The following GALNTL6 variants were observed in gnomAD, a reference collection of about 807,000 sequenced individuals.
The protein encoded by GALNTL6 is polypeptide N-acetylgalactosaminyltransferase like 6.
GALNTL6 carries 46 observed loss-of-function variants against 73.7 expected under a neutral mutation model. The ratio of observed to expected loss-of-function variants is 0.62; its 90% CI spans 0.49 to 0.80. GALNTL6 has a LOEUF of 0.80. GALNTL6 is among the 30% of genes least tolerant of loss of function. The pLI, the probability that GALNTL6 is intolerant of heterozygous loss-of-function variation, is 0.00. For synonymous variants in GALNTL6, 259 were observed against 263.7 expected (o/e 0.98, Z 0.17); for missense variants, 604 against 755.0 (o/e 0.80, Z 2.34).
chr4:172,147,665 A>C (rs1733962490), intron 2 of GALNTL6, among the ~76,000 whole-genome samples: 1 of 152,216 alleles, frequency 6.6e-6, no homozygotes, highest in Non-Finnish European at 1.5e-5. Flanking sequence ...GAAAAGAAAC[A>C]TTCCCAGCTT....
chr4:172,743,197 A>T (rs1736900100), intron 5 of GALNTL6, among the ~76,000 whole-genome samples: 1 of 152,028 alleles, frequency 6.6e-6, no homozygotes, highest in Non-Finnish European at 1.5e-5. Flanking sequence ...CATGTGTCAG[A>T]CCTTTAAATA....
chr4:172,454,631 A>T (rs1732325508), intron 5 of GALNTL6, among the ~76,000 whole-genome samples: 1 of 152,212 alleles, frequency 6.6e-6, no homozygotes, highest in Non-Finnish European at 1.5e-5. Flanking sequence ...TCCAACATAG[A>T]ATAAACTTGT....
At chr4:172,409,733 A>AT (rs1302457693) in intron 5 of GALNTL6, among the ~76,000 whole-genome samples, 3 of 152,040 alleles carry the variant, frequency 2.0e-5, no homozygotes, top group African/African-American at 7.2e-5. Context: ...TAAAACAATA[A>AT]TTAACAATTT....
At chr4:172,268,726 G>T (rs370538489) in intron 3 of GALNTL6, among the ~76,000 whole-genome samples, 1 of 152,130 alleles carries the variant, frequency 6.6e-6, no homozygotes, top group Non-Finnish European at 1.5e-5. Flanking sequence ...AATCGTAAGG[G>T]TGGGGCCTCA....
rs531033311 is a variant in GALNTL6 at position 172,651,957 on chromosome 4, T to C, written c.554-157404T>C. 2.1e-4 allele frequency among the ~76,000 whole-genome samples: 32 copies of C among 152,228 alleles called. No individual in the cohort carries two copies. In the South Asian group the frequency reaches 5.2e-3, roughly 25 times the overall value. ...ACCAGAGACATAAAGAGGTCCCAGGTTGGCTAATGGAAGAAATAAATGGCA... is the reference window on the plus strand; with the variant it reads ...ACCAGAGACATAAAGAGGTCCCAGGCTGGCTAATGGAAGAAATAAATGGCA... On this transcript the variant is annotated intron_variant, in intron 5 of 12. Coordinates refer to ENST00000506823, the MANE Select transcript of GALNTL6 (RefSeq NM_001034845.3).
chr4:172,235,302 G>A (rs1342643989), intron 3 of GALNTL6, among the ~76,000 whole-genome samples: 1 of 151,958 alleles, frequency 6.6e-6, no homozygotes, highest in Non-Finnish European at 1.5e-5. Context: ...TCACCTGCCG[G>A]GTTCAGGCGA....
intron 10 of GALNTL6, among the ~76,000 whole-genome samples, chr4:173,005,751 A>G (rs1049772267): frequency 9.2e-5 from 14 of 152,140 alleles, no homozygotes; most frequent in Admixed American, 4.6e-4. Flanking sequence ...CCAGCTGCCT[A>G]CCTTATCCTA....
chr4:172,377,775 C>A (rs1294290556), intron 5 of GALNTL6, among the ~76,000 whole-genome samples: 1 of 152,124 alleles, frequency 6.6e-6, no homozygotes, highest in Non-Finnish European at 1.5e-5. Flanking sequence ...AGACGCTGGC[C>A]CAGGTGCTAA....
chr4:172,433,406 TG>T (rs1731526988), intron 5 of GALNTL6, among the ~76,000 whole-genome samples: 1 of 152,134 alleles, frequency 6.6e-6, no homozygotes, highest in African/African-American at 2.4e-5. Context: ...TGTCACTCTT[TG>T]CTCCAGGGCA....
chr4:171,888,902 G>T (rs1736680862), intron 2 of GALNTL6, among the ~76,000 whole-genome samples: 1 of 152,046 alleles, frequency 6.6e-6, no homozygotes, highest in Non-Finnish European at 1.5e-5. Flanking sequence ...TTACTCTGTA[G>T]ACCAAACACG....
intron 2 of GALNTL6, among the ~76,000 whole-genome samples, chr4:171,858,240 G>A (rs1313558222): frequency 6.6e-6 from 1 of 152,080 alleles, no homozygotes; most frequent in Non-Finnish European, 1.5e-5. Context: ...TTAAGGTATA[G>A]ACAGTTATCT....
intron 4 of GALNTL6, among the ~76,000 whole-genome samples, chr4:172,329,992 G>A (rs1741071427): frequency 6.6e-6 from 1 of 152,204 alleles, no homozygotes; most frequent in Admixed American, 6.5e-5. Flanking sequence ...CTCCCTCTTG[G>A]GAGCTGCATC....
chr4:172,651,930 A>G (rs1006720368), intron 5 of GALNTL6, among the ~76,000 whole-genome samples: 3 of 152,202 alleles, frequency 2.0e-5, no homozygotes, highest in African/African-American at 7.2e-5. Context: ...ATGTTCCCAA[A>G]GACCAGAGAC....
intron 4 of GALNTL6, among the ~76,000 whole-genome samples, chr4:172,339,257 CCA>C (rs70941402): frequency 0.1 from 12,390 of 120,494 alleles, 687 homozygotes; most frequent in Non-Finnish European, 0.12. Flanking sequence ...CACACACACA[CCA>C]CACACACACA....
chr4:172,948,618 A>ATTTTTTTTT (rs369982668), intron 9 of GALNTL6, among the ~76,000 whole-genome samples: 2 of 136,542 alleles, frequency 1.5e-5, no homozygotes, highest in African/African-American at 2.7e-5. Flanking sequence ...AGCCTCGCTA[A>ATTTTTTTTT]TTTTTTTTTT....
At chr4:173,034,693 A>G (rs1334660912) in intron 12 of GALNTL6, among the ~76,000 whole-genome samples, 1 of 151,990 alleles carries the variant, frequency 6.6e-6, no homozygotes, top group Non-Finnish European at 1.5e-5. Context: ...TTCCCTGGCC[A>G]CTCAATTCAA....
intron 8 of GALNTL6, among the ~76,000 whole-genome samples, chr4:172,911,764 T>C (rs1044703687): frequency 2.6e-5 from 4 of 152,270 alleles, no homozygotes; most frequent in African/African-American, 9.6e-5. Context: ...TTAAATTTTA[T>C]GTCTATTAGA....
chr4:172,066,529 C>G (rs1354728742), intron 2 of GALNTL6, among the ~76,000 whole-genome samples: 1 of 132,912 alleles, frequency 7.5e-6, no homozygotes, highest in Non-Finnish European at 1.6e-5. Context: ...TTATGTCTGA[C>G]CTGGACTTTT....
chr4:172,735,873 G>T (rs889114082), intron 5 of GALNTL6, among the ~76,000 whole-genome samples: 3 of 151,988 alleles, frequency 2.0e-5, no homozygotes, highest in African/African-American at 7.3e-5. Flanking sequence ...TTTACAGCTG[G>T]GTCTCCAGGG....
Sources: gnomAD v4.1 joint callset for allele counts (sites outside exome capture counted in the v4.1 genomes callset) on GRCh38, gnomAD v4.1.1 for gene constraint, MANE v1.5 for transcripts, NCBI Gene and HGNC (gene_info 2026-07-23, HGNC 2026-07-21) for gene names.